Variants in QSOX1 observed in about 807,000 individuals in gnomAD.
QSOX1 encodes sulfhydryl oxidase 1.
QSOX1 carries 40 observed loss-of-function variants against 76.1 expected under a neutral mutation model. The observed-to-expected ratio is 0.53, with a 90% CI of 0.41 to 0.68. The LOEUF (loss-of-function observed/expected upper bound fraction) is 0.68, where lower values mean the gene tolerates loss of function less well. Among genes scored for constraint, QSOX1 ranks in the 30% least tolerant of loss-of-function variants. The pLI is 0.00. For missense variants in QSOX1, 931 were observed against 974.3 expected, an observed-to-expected ratio of 0.96 and a Z score of 0.59; for synonymous variants, 392 against 413.1, an observed-to-expected ratio of 0.95 and a Z score of 0.62.
At chr1:180,189,224 T>TGGTGGCAC in intron 8 of QSOX1, among the ~76,000 whole-genome samples, 1 of 152,224 alleles carries the variant, frequency 6.6e-6, no homozygotes, top group East Asian at 1.9e-4. Flanking sequence ...TTCCTCCCAG[T>TGGTGGCAC]GGTGGCACAT....
intron 1 of QSOX1, among the ~76,000 whole-genome samples, chr1:180,161,416 A>G (rs199682544): frequency 4.0e-4 from 61 of 152,362 alleles, no homozygotes; most frequent in Admixed American, 1.0e-3. Context: ...CTATAGATTC[A>G]TCATAGGTAT....
chr1:180,191,483 C>T (rs1663309042), intron 10 of QSOX1, among the ~76,000 whole-genome samples: 5 of 152,246 alleles, frequency 3.3e-5, no homozygotes, highest in Admixed American at 3.3e-4. Context: ...AGAGGAACTG[C>T]CAGGCAGTGG....
At chr1:180,185,328 G>A (rs990654184) in intron 7 of QSOX1, among the ~76,000 whole-genome samples, 4 of 152,236 alleles carry the variant, frequency 2.6e-5, no homozygotes, top group Admixed American at 6.5e-5. Context: ...TCAAACTGAG[G>A]TCAGAACCCA....
chr1:180,171,352 G>A (rs552841681), intron 2 of QSOX1, among the ~76,000 whole-genome samples: 1 of 149,440 alleles, frequency 6.7e-6, no homozygotes. Flanking sequence ...GGGGGATGGT[G>A]TGGGTGGCAG....
chr1:180,184,694 C>A (rs1387352605), intron 7 of QSOX1, among the ~76,000 whole-genome samples: 2 of 152,210 alleles, frequency 1.3e-5, no homozygotes, highest in African/African-American at 4.8e-5. Context: ...CTGGTACCAG[C>A]TGCATACCAG....
rs1268646951 is a variant in QSOX1 at position 180,196,580 on chromosome 1, TGCCG to T, written c.1790_1793del (p.Pro597LeufsTer45). 1 of 1,614,158 alleles carries T rather than the reference TGCCG, an allele frequency of 6.2e-7. No individual in the cohort carries two copies. The highest frequency in any genetic ancestry group is 1.7e-5 in the Admixed American group (1 of 60,028). On this transcript the variant is annotated frameshift_variant, in exon 12 of 12. Transcript: ENST00000367602. LOFTEE classifies it high-confidence loss of function. This position sits in a 1 kb window ranked among gnomAD's most constrained non-coding sequence, Gnocchi z 4.1. ...TCCCCCACAAACACCACCCCACATG[TGCCG>T]GCTGAGGGACCTGAGGCAAGTCGAC...
rs563716688 is a variant in QSOX1, at chr1:180,176,927, T to G, written c.515+894T>G. 1.2e-3 allele frequency among the ~76,000 whole-genome samples: 188 copies of G among 152,310 alleles called. 1 individual carries two copies. Among genetic ancestry groups the G allele is most frequent in the African/African-American group, 4.2e-3 (174 of 41,580 alleles). ...ACATGGCCCTGCTGAGAGATTGTGTTTCCAAGTGTCAGTTGGGGTTGAATC... is the reference window on the plus strand; with the variant it reads ...ACATGGCCCTGCTGAGAGATTGTGTGTCCAAGTGTCAGTTGGGGTTGAATC... On this transcript the variant is annotated intron_variant, in intron 4 of 11. Transcript: ENST00000367602.
At position 180,201,924 on chromosome 1, in the gene QSOX1, AACTC is replaced by A. The variant is rs890876450; in HGVS notation, c.*4894_*4897del. On this transcript the variant is annotated 3_prime_UTR_variant, in exon 12 of 12. Transcript: ENST00000367602. ...TCTGCCCTGCAGAAGAATTCCCTGT[AACTC>A]ACTCACCAATGGCCGTGGGAGCCAG... is the stretch of plus-strand genomic sequence containing the variant. The A allele has an allele frequency of 5.3e-5, 8 of 152,320 alleles. No homozygotes were observed. The highest frequency in any genetic ancestry group is 1.9e-4 in the African/African-American group (8 of 41,540). The allele number at this position is 152,320 out of a possible 1,614,324, so 9.4% of individuals were successfully genotyped here. A position where few individuals can be genotyped will look rare whatever the true frequency, so the allele number is the denominator to read the frequency against.
At chr1:180,195,881 C>T (rs1663468545) in intron 11 of QSOX1, among the ~76,000 whole-genome samples, 1 of 152,212 alleles carries the variant, frequency 6.6e-6, no homozygotes, top group Admixed American at 6.5e-5. Context: ...GACTGCAAAA[C>T]AGATCAAAAT....
Position 180,196,415 on chromosome 1 carries a change from T to G in QSOX1, c.1622T>G (p.Ile541Ser). The G allele has an allele frequency of 6.2e-7, 1 of 1,614,200 alleles. No homozygotes were observed. Among genetic ancestry groups the G allele is most frequent in the Non-Finnish European group, 8.5e-7 (1 of 1,180,030 alleles). ...LKAHFSPSNI[I>S]LDFPAAGSAA... is the part of the protein sequence containing the mutation. ...GCCCACTTCTCCCCAAGCAACATCA[T>G]CCTGGACTTCCCTGCAGCTGGGTCA... The change falls in exon 12 of 12, where the codon ATC (isoleucine) becomes AGC (serine). Residue 541 changes from isoleucine (I) to serine (S), a missense_variant. Transcript: ENST00000367602. The surrounding 1 kb of genome is among the most constrained non-coding windows in gnomAD (Gnocchi z 4.1).
intron 8 of QSOX1, among the ~76,000 whole-genome samples, chr1:180,186,940 C>T (rs982805851): frequency 6.6e-6 from 1 of 152,218 alleles, no homozygotes; most frequent in African/African-American, 2.4e-5. Flanking sequence ...CTGGCCATTG[C>T]GTCCCTGCTG....
intron 4 of QSOX1, among the ~76,000 whole-genome samples, chr1:180,178,326 A>C (rs1049237067): frequency 6.6e-6 from 1 of 151,742 alleles, no homozygotes; most frequent in Non-Finnish European, 1.5e-5. Flanking sequence ...TGCAACCTCC[A>C]CTCCCCGGGT....
At chr1:180,169,538 A>G (rs1190164653) in intron 2 of QSOX1, among the ~76,000 whole-genome samples, 1 of 152,258 alleles carries the variant, frequency 6.6e-6, no homozygotes, top group Admixed American at 6.5e-5. Context: ...CATCCACCTA[A>G]GAGGACCGTT....
At chr1:180,171,194 G>A (rs1346519477) in intron 2 of QSOX1, among the ~76,000 whole-genome samples, 1 of 152,188 alleles carries the variant, frequency 6.6e-6, no homozygotes, top group South Asian at 2.1e-4. Context: ...TGAAAGGTGG[G>A]GACTGATGCA....
In QSOX1 at chr1:180,194,202, C is replaced by T; in HGVS notation, c.1289-11C>T. 1.2e-6 allele frequency: 2 copies of T among 1,608,482 alleles called. No individual in the cohort carries two copies. The highest frequency in any genetic ancestry group is 1.7e-6 in the Non-Finnish European group (2 of 1,177,722). Reference sequence around the variant, plus strand: ...GAAGGGCTGGTGCGTGGCATCTCCTCTGCCCTGTAGCCAAGGCCAAGGAGG... The same window carrying T: ...GAAGGGCTGGTGCGTGGCATCTCCTTTGCCCTGTAGCCAAGGCCAAGGAGG... On this transcript the variant is annotated splice_polypyrimidine_tract_variant and intron_variant, in intron 10 of 11. Coordinates refer to ENST00000367602, the MANE Select transcript of QSOX1 (RefSeq NM_002826.5).
At chr1:180,192,283 C>T (rs567827722) in intron 10 of QSOX1, among the ~76,000 whole-genome samples, 10 of 152,150 alleles carry the variant, frequency 6.6e-5, no homozygotes, top group African/African-American at 1.7e-4. Flanking sequence ...AGGCCGGGGG[C>T]GGAGGTGAGC....
At chr1:180,193,363 A>G (rs1663366916) in intron 10 of QSOX1, among the ~76,000 whole-genome samples, 1 of 151,532 alleles carries the variant, frequency 6.6e-6, no homozygotes, top group African/African-American at 2.4e-5. Context: ...GTGCAGAAGA[A>G]CAAGCTGAGA....
At chr1:180,184,791 T>G (rs1041408982) in intron 7 of QSOX1, among the ~76,000 whole-genome samples, 3 of 152,140 alleles carry the variant, frequency 2.0e-5, no homozygotes, top group Non-Finnish European at 4.4e-5. Flanking sequence ...GAAAGGTGAT[T>G]GCAAGAAGGA....
Position 180,197,467 on chromosome 1 carries a change from C to A in QSOX1, c.*430C>A. On this transcript the variant is annotated 3_prime_UTR_variant, in exon 12 of 12. Transcript: ENST00000367602. ...CTGGAATGGAACTCCTCACTAGCTG[C>A]TGGGGCTCCGCCCACCCTGCTCCCT... 1 of 1,417,076 alleles carries A rather than the reference C, an allele frequency of 7.1e-7. No individual in the cohort carries two copies. Among genetic ancestry groups the A allele is most frequent in the Non-Finnish European group, 9.8e-7 (1 of 1,016,480 alleles). 87.8% of individuals were successfully genotyped at this position (1,417,076 alleles called of 1,614,324 possible).
Sources: allele counts gnomAD v4.1 joint callset (sites outside exome capture counted in the v4.1 genomes callset), GRCh38; gene constraint gnomAD v4.1.1; non-coding constraint Gnocchi (gnomAD v3.1); transcripts MANE v1.5; gene names NCBI Gene and HGNC (gene_info 2026-07-23, HGNC 2026-07-21).